The following TEX2 variants were observed in gnomAD, a reference collection of about 807,000 sequenced individuals.
TEX2 encodes the protein testis-expressed protein 2.
TEX2 carries 53 observed loss-of-function variants against 106.9 expected under a neutral mutation model. The observed-to-expected ratio is 0.50, with a 90% CI of 0.40 to 0.62. The LOEUF is 0.62. Ranked by LOEUF, TEX2 falls within the 20% of genes least tolerant of loss-of-function variation. TEX2 has a pLI of 0.00. For synonymous variants in TEX2, 523 were observed against 534.8 expected (o/e 0.98, Z 0.30); for missense variants, 1,207 against 1,379.0 (o/e 0.88, Z 1.98).
In TEX2 at chr17:64,148,735, TC is replaced by T; in HGVS notation, c.*233del. On this transcript the variant is annotated 3_prime_UTR_variant, in exon 12 of 12. Coordinates refer to ENST00000584379, the MANE Select transcript of TEX2 (RefSeq NM_001288732.2). ...TAACTTCTGGATCCACCATGATTCT[TC>T]CATGGTCTCCTTTGCCAAATCAAAG... The T allele has an allele frequency of 2.0e-6, 1 of 499,026 alleles. No homozygotes were observed. The highest frequency in any genetic ancestry group is 3.5e-6 in the Non-Finnish European group (1 of 282,764). 30.9% of individuals were successfully genotyped at this position (499,026 alleles called of 1,614,324 possible).
chr17:64,246,945 G>A (rs938584704), intron 1 of TEX2, among the ~76,000 whole-genome samples: 16 of 152,260 alleles, frequency 1.1e-4, no homozygotes, highest in African/African-American at 3.6e-4. Flanking sequence ...AGCCAATGAC[G>A]GGGAACAGAT....
intron 1 of TEX2, among the ~76,000 whole-genome samples, chr17:64,222,724 C>A (rs918657634): frequency 1.5e-4 from 23 of 151,004 alleles, no homozygotes; most frequent in African/African-American, 5.6e-4. Context: ...TAAAACAATT[C>A]TATTCAAAAA....
chr17:64,216,274 T>C (rs1381696865), intron 1 of TEX2, among the ~76,000 whole-genome samples: 1 of 152,200 alleles, frequency 6.6e-6, no homozygotes, highest in Non-Finnish European at 1.5e-5. Context: ...AAGCAACATA[T>C]GTTTTTCATT....
At chr17:64,192,805 C>A (rs972002082) in intron 4 of TEX2, among the ~76,000 whole-genome samples, 58 of 152,204 alleles carry the variant, frequency 3.8e-4, no homozygotes, top group African/African-American at 1.3e-3. Context: ...ACCAGCATAA[C>A]TCCCGGATCA....
intron 1 of TEX2, among the ~76,000 whole-genome samples, chr17:64,231,663 T>C (rs572433252): frequency 3.3e-5 from 5 of 152,340 alleles, no homozygotes; most frequent in African/African-American, 1.2e-4. Context: ...GAGAACTGAA[T>C]AGGTCCTGGG....
intron 6 of TEX2, 31 bp from the exon 7 acceptor site, chr17:64,171,230 C>A (rs1462129233): frequency 6.4e-7 from 1 of 1,573,100 alleles, no homozygotes; most frequent in Non-Finnish European, 8.7e-7. Flanking sequence ...ATGAGTGAGA[C>A]CCATGAGCAA....
rs373437458 is a variant in TEX2, at chr17:64,157,784, C to T, written c.2805-2817G>A. Reference sequence around the variant, plus strand: ...GCCCAGAACACCAGGGGCCTGGGGGCAGATGGGTAGTTTGGGGTAGATGTG... The same window carrying T: ...GCCCAGAACACCAGGGGCCTGGGGGTAGATGGGTAGTTTGGGGTAGATGTG... On this transcript the variant is annotated intron_variant, in intron 8 of 11. Coordinates refer to ENST00000584379, the MANE Select transcript of TEX2 (RefSeq NM_001288732.2). 2.3e-4 allele frequency among the ~76,000 whole-genome samples: 35 copies of T among 152,332 alleles called. 1 individual carries two copies. The South Asian group carries it at 6.8e-3, about 30-fold the overall frequency.
At position 64,150,924 on chromosome 17, in the gene TEX2, C is replaced by T; in HGVS notation, c.3178G>A (p.Ala1060Thr). 3 of 1,614,044 alleles carry T rather than the reference C, an allele frequency of 1.9e-6. No individual in the cohort carries two copies. The highest frequency in any genetic ancestry group is 2.5e-6 in the Non-Finnish European group (3 of 1,179,962). Residue 1060 changes from alanine to threonine, a missense_variant, in exon 11 of 12, where the codon GCT becomes ACT. Ala to Thr is a moderately conservative substitution (Grantham distance 58). Transcript: ENST00000584379. ...TCTCTCTCTCCAAGTTTTGGCCGAGCTTTCAGCTCCACATGTGGTGGCTTT... is the reference window on the plus strand; with the variant it reads ...TCTCTCTCTCCAAGTTTTGGCCGAGTTTTCAGCTCCACATGTGGTGGCTTT... ...FRKPPHVELK[A>T]RPKLGEREVT...
chr17:64,163,326 G>A (rs2030972676), intron 7 of TEX2, among the ~76,000 whole-genome samples: 1 of 152,030 alleles, frequency 6.6e-6, no homozygotes, highest in Admixed American at 6.6e-5. Context: ...TAGAGATGGG[G>A]TTTTGCCATA....
At chr17:64,149,122 G>A (rs1479561659) in intron 11 of TEX2, 31 bp from the exon 12 acceptor site, 3 of 1,608,376 alleles carry the variant, frequency 1.9e-6, no homozygotes, top group Non-Finnish European at 2.6e-6. Flanking sequence ...ACAGCTATGT[G>A]GAAGAATGCC....
At chr17:64,170,855 G>A (rs1402385296) in intron 7 of TEX2, among the ~76,000 whole-genome samples, 2 of 151,974 alleles carry the variant, frequency 1.3e-5, no homozygotes, top group African/African-American at 4.8e-5. Context: ...GGCTGGCCTC[G>A]AATTCCTGAC....
intron 7 of TEX2, among the ~76,000 whole-genome samples, chr17:64,161,168 G>T (rs773309043): frequency 1.5e-4 from 23 of 152,120 alleles, no homozygotes; most frequent in Non-Finnish European, 3.1e-4. Context: ...CCATTCACAG[G>T]ATCCTGGGGA....
intron 5 of TEX2, among the ~76,000 whole-genome samples, chr17:64,186,801 G>A (rs2032091469): frequency 6.6e-6 from 1 of 151,958 alleles, no homozygotes; most frequent in Non-Finnish European, 1.5e-5. Context: ...ACTCCAGCCT[G>A]GGTGACACTG....
Position 64,177,410 on chromosome 17 carries a change from C to A in TEX2, c.2486G>T (p.Gly829Val). ...TCCTAAGAAGTCCCAAAATATTCTT[C>A]CAAGCAAGGCATTCACCCAGGCTTC... ...EQEAWVNALL[G>V]RIFWDFLGEK... Residue 829 changes from glycine to valine, a missense_variant, in exon 6 of 12, where the codon GGA becomes GTA. By Grantham distance (109) the Gly-to-Val change is moderately radical. Around this residue, in one of 3 missense-constraint regions of TEX2, gnomAD observed 1,067 missense variants for 1,193.6 expected, o/e 0.89. Coordinates refer to ENST00000584379, the MANE Select transcript of TEX2 (RefSeq NM_001288732.2). 6.2e-7 allele frequency: 1 copy of A among 1,614,192 alleles called. No homozygotes were observed. The highest frequency in any genetic ancestry group is 8.5e-7 in the Non-Finnish European group (1 of 1,180,034).
intron 1 of TEX2, among the ~76,000 whole-genome samples, chr17:64,238,413 A>G (rs146859317): frequency 7.5e-4 from 115 of 152,392 alleles, no homozygotes; most frequent in Middle Eastern, 3.4e-3. Flanking sequence ...TATTCAAGAT[A>G]AAAATTATTT....
intron 1 of TEX2, among the ~76,000 whole-genome samples, chr17:64,236,619 G>A (rs553787546): frequency 7.9e-5 from 12 of 152,284 alleles, no homozygotes; most frequent in Non-Finnish European, 1.0e-4. Flanking sequence ...TTATACAAGC[G>A]ACTTGAGCAT....
Position 64,183,298 on chromosome 17 carries a change from A to G in TEX2, c.2424+4870T>C, listed in dbSNP as rs140548741. On this transcript the variant is annotated intron_variant, in intron 5 of 11. Coordinates refer to ENST00000584379, the MANE Select transcript of TEX2 (RefSeq NM_001288732.2). ...ATGTATTTTCATTTCTCTTGGATAT[A>G]TATTTAGGAGTGGAACTGCTGGCTC... 3.1e-3 allele frequency among the ~76,000 whole-genome samples: 470 copies of G among 152,342 alleles called. 2 individuals are homozygous for G. Among genetic ancestry groups the G allele is most frequent in the African/African-American group, 0.011 (448 of 41,572 alleles).
Position 64,157,761 on chromosome 17 carries a change from C to T in TEX2, c.2805-2794G>A, listed in dbSNP as rs1196772691. Among the ~76,000 whole-genome samples, 11 of 152,306 alleles carry T rather than the reference C, an allele frequency of 7.2e-5. 1 individual carries two copies. In the South Asian group the frequency reaches 2.3e-3, roughly 32 times the overall value. ...AGTGTAAACTGCAGGCACTCAGTGC[C>T]CAGAACACCAGGGGCCTGGGGGCAG... is the stretch of plus-strand genomic sequence containing the variant. On this transcript the variant is annotated intron_variant, in intron 8 of 11. Coordinates refer to ENST00000584379, the MANE Select transcript of TEX2 (RefSeq NM_001288732.2).
intron 1 of TEX2, among the ~76,000 whole-genome samples, chr17:64,219,488 A>C (rs902416005): frequency 2.0e-5 from 3 of 150,476 alleles, no homozygotes; most frequent in Admixed American, 6.7e-5. Context: ...CCTGGGCAAC[A>C]GAGTGAGACT....
Sources: allele counts gnomAD v4.1 joint callset (sites outside exome capture counted in the v4.1 genomes callset), GRCh38; gene constraint gnomAD v4.1.1; regional missense constraint gnomAD v4.1.1; transcripts MANE v1.5; gene names NCBI Gene and HGNC (gene_info 2026-07-23, HGNC 2026-07-21).